The following CCDC144A variants were observed in gnomAD, a reference collection of about 807,000 sequenced individuals.
The protein encoded by CCDC144A is coiled-coil domain containing 144A.
A neutral mutation model predicts 143.8 loss-of-function variants in CCDC144A; 41 were observed. The ratio of observed to expected loss-of-function variants is 0.29; its 90% CI spans 0.22 to 0.37. CCDC144A has a LOEUF of 0.37. CCDC144A is among the 10% of genes least tolerant of loss of function. The pLI, the probability that CCDC144A is intolerant of heterozygous loss-of-function variation, is 1.00. For synonymous variants in CCDC144A, 242 were observed against 517.9 expected, an observed-to-expected ratio of 0.47 and a Z score of 7.23; for missense variants, 637 against 1,488.8, an observed-to-expected ratio of 0.43 and a Z score of 9.41.
chr17:16,695,211 C>A (rs1156748554), intron 2 of CCDC144A: 1 of 152,090 alleles, frequency 6.6e-6, no homozygotes, highest in Non-Finnish European at 1.5e-5. Context: ...ATCATTTATT[C>A]ATTTGTCCAC....
chr17:16,752,417 A>G (rs1169634362), intron 12 of CCDC144A, among the ~76,000 whole-genome samples: 1 of 152,202 alleles, frequency 6.6e-6, no homozygotes. Context: ...CCCGGCTCCC[A>G]CACTGACATA....
rs1427146289 is a variant in CCDC144A, at chr17:16,764,186, T to G, written c.4098+11T>G. ...AGCTACTTGTTGAAGGTTAGCTATC[T>G]TTTTTCCTTCGGCGTTCAGATTTCT... On this transcript the variant is annotated intron_variant, in intron 15 of 16. Coordinates refer to ENST00000399273, the MANE Select transcript of CCDC144A (RefSeq NM_001382000.1). 6.3e-7 allele frequency: 1 copy of G among 1,597,564 alleles called. No individual in the cohort carries two copies. The highest frequency in any genetic ancestry group is 2.3e-5 in the East Asian group (1 of 43,472).
At chr17:16,675,576 C>T in the CCDC144A span, among the ~76,000 whole-genome samples, 1 of 151,534 alleles carries the variant, frequency 6.6e-6, no homozygotes, top group African/African-American at 2.4e-5. Flanking sequence ...AATCTATTTT[C>T]TTGATTTTTA....
At chr17:16,768,381 C>A (rs1356226190) in intron 15 of CCDC144A, among the ~76,000 whole-genome samples, 2 of 152,144 alleles carry the variant, frequency 1.3e-5, no homozygotes, top group Non-Finnish European at 2.9e-5. Flanking sequence ...AAGGCCTAGG[C>A]AAGATTCTTG....
chr17:16,690,367 G>T lies in CCDC144A; in HGVS notation c.-34G>T, dbSNP rs1333194743. On this transcript the variant is annotated 5_prime_UTR_variant, in exon 1 of 17. Transcript: ENST00000399273. ...ATTGGAAACCGCGGGCTATCCTGCT[G>T]GGAGGTTGTGGCCGAGGCAGTAGCT... 6.8e-7 allele frequency: 1 copy of T among 1,463,932 alleles called. No individual in the cohort carries two copies. The highest frequency in any genetic ancestry group is 2.4e-5 in the East Asian group (1 of 42,490). 90.7% of individuals were successfully genotyped at this position (1,463,932 alleles called of 1,614,324 possible). A position where few individuals can be genotyped will look rare whatever the true frequency, so the allele number is the denominator to read the frequency against.
At chr17:16,699,503 G>A (rs28654783) in intron 2 of CCDC144A, among the ~76,000 whole-genome samples, 756 of 12,762 alleles carry the variant, frequency 0.059, 69 homozygotes, top group South Asian at 0.31. Context: ...AGCCTCCTGA[G>A]TAGCTGGGAT....
chr17:16,722,056 CAT>C (rs996984595), intron 8 of CCDC144A, among the ~76,000 whole-genome samples: 9 of 152,142 alleles, frequency 5.9e-5, no homozygotes, highest in Admixed American at 1.3e-4. Context: ...CATCATGACA[CAT>C]GTTAGTTGTA....
intron 3 of CCDC144A, chr17:16,705,728 A>G (rs1912012064): frequency 3.6e-6 from 1 of 277,970 alleles, no homozygotes; most frequent in African/African-American, 2.2e-5. Context: ...CTCAAACACA[A>G]TGTGGTTTCT....
chr17:16,746,776 G>T (rs1331974814), intron 12 of CCDC144A: 18 of 1,575,000 alleles, frequency 1.1e-5, no homozygotes, highest in Admixed American at 1.7e-5. Flanking sequence ...GGGAGCGCGC[G>T]GCCGTTCCCA....
chr17:16,757,750 G>A (rs1197388172), intron 12 of CCDC144A, among the ~76,000 whole-genome samples: 10 of 152,366 alleles, frequency 6.6e-5, no homozygotes, highest in Admixed American at 3.3e-4. Context: ...GCTGGTGGTG[G>A]CAGTGGTGTC....
At chr17:16,697,038 A>G (rs1468060247) in intron 2 of CCDC144A, among the ~76,000 whole-genome samples, 2 of 151,996 alleles carry the variant, frequency 1.3e-5, no homozygotes, top group Admixed American at 6.6e-5. Flanking sequence ...TGTAATTACT[A>G]TGATGAGCTT....
chr17:16,699,466 C>G (rs1911598848), intron 2 of CCDC144A, among the ~76,000 whole-genome samples: 2 of 121,732 alleles, frequency 1.6e-5, no homozygotes, highest in African/African-American at 3.3e-5. Flanking sequence ...AGCTCCGCCT[C>G]CCGGGTTCAC....
chr17:16,746,509 C>T, intron 12 of CCDC144A: 1 of 1,613,830 alleles, frequency 6.2e-7, no homozygotes, highest in Middle Eastern at 1.7e-4. Context: ...TCTCTTCCTC[C>T]ACACAGTAGG....
chr17:16,748,752 A>T, intron 12 of CCDC144A, among the ~76,000 whole-genome samples: 1 of 152,190 alleles, frequency 6.6e-6, no homozygotes, highest in Non-Finnish European at 1.5e-5. Context: ...TTTATTACTG[A>T]TTCAATTTCA....
At chr17:16,720,115 A>G (rs1567593405) in intron 6 of CCDC144A, 83 bp from the exon 7 acceptor site, 2 of 1,438,358 alleles carry the variant, frequency 1.4e-6, no homozygotes, top group Non-Finnish European at 1.9e-6. Context: ...CAGACATTTT[A>G]TATGATAAAA....
At chr17:16,669,717 T>C in the CCDC144A span, among the ~76,000 whole-genome samples, 1 of 152,206 alleles carries the variant, frequency 6.6e-6, no homozygotes, top group African/African-American at 2.4e-5. Context: ...ACCATACCTC[T>C]AGGTTATTAC....
chr17:16,677,388 G>C, the CCDC144A span, among the ~76,000 whole-genome samples: 7 of 152,136 alleles, frequency 4.6e-5, no homozygotes, highest in Non-Finnish European at 8.8e-5. Context: ...ACTTATAGAA[G>C]GTTATAGATT....
At chr17:16,703,172 A>G (rs1911828206) in intron 2 of CCDC144A, among the ~76,000 whole-genome samples, 1 of 152,210 alleles carries the variant, frequency 6.6e-6, no homozygotes, top group Non-Finnish European at 1.5e-5. Flanking sequence ...AGAATTTATT[A>G]TGTCCATTCC....
intron 12 of CCDC144A, chr17:16,745,684 A>G (rs1289187723): frequency 1.2e-6 from 2 of 1,613,100 alleles, no homozygotes; most frequent in East Asian, 2.2e-5. Context: ...TCTGCCTTGC[A>G]GATCCTCCTG....
Sources: allele counts gnomAD v4.1 joint callset (sites outside exome capture counted in the v4.1 genomes callset), GRCh38; gene constraint gnomAD v4.1.1; transcripts MANE v1.5; gene names NCBI Gene and HGNC (gene_info 2026-07-23, HGNC 2026-07-21).